Variants in FSD1L observed in about 807,000 individuals in gnomAD.
FSD1L encodes FSD1-like protein.
In FSD1L, 45 loss-of-function variants were observed where a neutral mutation model predicts 71.6. The ratio of observed to expected loss-of-function variants is 0.63; its 90% CI spans 0.49 to 0.81. The LOEUF is 0.81. FSD1L is among the 30% of genes least tolerant of loss of function. The pLI, the probability that FSD1L is intolerant of heterozygous loss-of-function variation, is 0.00. For missense variants in FSD1L, 561 were observed against 618.1 expected (o/e 0.91, Z 0.98); for synonymous variants, 197 against 207.2 (o/e 0.95, Z 0.42).
Position 105,506,465 on chromosome 9 carries a change from G to A in FSD1L, c.653G>A (p.Trp218Ter), listed in dbSNP as rs76381184. The A allele has an allele frequency of 6.4e-7, 1 of 1,550,962 alleles. No homozygotes were observed. The highest frequency in any genetic ancestry group is 2.0e-5 in the Admixed American group (1 of 50,950). Reference protein sequence around the residue: ...LVADNSVTVAWRMPEEDNKID... With the variant: ...LVADNSVTVA The stretch of plus-strand genomic sequence containing the variant: ...GCAGATAACTCTGTAACAGTGGCTT[G>A]GAGAATGCCAGAAGAAGATAATAAG... The change falls in exon 8 of 14, where the codon TGG becomes TAG. Residue 218 changes from tryptophan (W) to a stop codon, truncating the protein, a stop_gained. Coordinates refer to ENST00000481272, the MANE Select transcript of FSD1L (RefSeq NM_001145313.3). LOFTEE classifies it high-confidence loss of function.
At position 105,506,586 on chromosome 9, in the gene FSD1L, G is replaced by T; in HGVS notation, c.774G>T (p.Lys258Asn). Reference sequence around the variant, plus strand: ...GCTGGGAGATAATTGATAATATTAAGGGTACTGAATATACACTATCAGGTA... The same window carrying T: ...GCTGGGAGATAATTGATAATATTAATGGTACTGAATATACACTATCAGGTA... ...ERCWEIIDNI[K>N]GTEYTLSGLK... The change falls in exon 8 of 14, where the codon AAG (lysine) becomes AAT (asparagine). Residue 258 changes from lysine (K) to asparagine (N), a missense_variant. Lys to Asn is a moderately conservative substitution (Grantham distance 94, BLOSUM62 0). Coordinates refer to ENST00000481272, the MANE Select transcript of FSD1L (RefSeq NM_001145313.3). 3 of 1,549,240 alleles carry T rather than the reference G, an allele frequency of 1.9e-6. No homozygotes were observed. Among genetic ancestry groups the T allele is most frequent in the Non-Finnish European group, 2.6e-6 (3 of 1,145,022 alleles).
At chr9:105,519,678 C>T (rs902551678) in intron 10 of FSD1L, among the ~76,000 whole-genome samples, 1 of 152,210 alleles carries the variant, frequency 6.6e-6, no homozygotes, top group Non-Finnish European at 1.5e-5. Context: ...TTTATGCAAA[C>T]CCACAGCCAG....
At chr9:105,526,348 G>A in intron 10 of FSD1L, 1 of 1,612,160 alleles carries the variant, frequency 6.2e-7, no homozygotes, top group Non-Finnish European at 8.5e-7. Context: ...ACCATCTGAT[G>A]CCGATCATTA....
chr9:105,549,006 ATAC>A lies in FSD1L; in HGVS notation c.*2526_*2528del, dbSNP rs1837158415. The A allele has an allele frequency of 3.9e-5, 6 of 152,106 alleles. No homozygotes were observed. The South Asian group carries it at 1.2e-3, about 32-fold the overall frequency. The allele number at this position is 152,106 out of a possible 1,614,324, so 9.4% of individuals were successfully genotyped here. A position where few individuals can be genotyped will look rare whatever the true frequency, so the allele number is the denominator to read the frequency against. ...AAATAAGGTAACTATTAACTTGATT[ATAC>A]TATATAATATTCTCAATTACATTTG... On this transcript the variant is annotated 3_prime_UTR_variant, in exon 14 of 14. Transcript: ENST00000481272.
Position 105,551,552 on chromosome 9 carries a change from G to A in FSD1L, c.*5069G>A, listed in dbSNP as rs1837263195. The stretch of plus-strand genomic sequence containing the variant: ...TTTTTAGCTAATAATGGATTTAAGT[G>A]TTTGGATAATTGTAGATGCATTTAC... On this transcript the variant is annotated 3_prime_UTR_variant, in exon 14 of 14. Transcript: ENST00000481272. 6.6e-6 allele frequency: 1 copy of A among 152,162 alleles called. No individual in the cohort carries two copies. Among genetic ancestry groups the A allele is most frequent in the African/African-American group, 2.4e-5 (1 of 41,456 alleles). The allele number at this position is 152,162 out of a possible 1,614,324, so 9.4% of individuals were successfully genotyped here.
chr9:105,452,669 G>GCCTGCCTTCCTTCCTTCCTTCCTTCCTT (rs1191519308), intron 1 of FSD1L, among the ~76,000 whole-genome samples: 8 of 96,226 alleles, frequency 8.3e-5, no homozygotes, highest in African/African-American at 1.7e-4. Flanking sequence ...CTGCCTGCCT[G>GCCTGCCTTCCTTCCTTCCTTCCTTCCTT]CCTTCCTTCC....
At chr9:105,526,312 T>A in intron 10 of FSD1L, 1 of 1,610,294 alleles carries the variant, frequency 6.2e-7, no homozygotes, top group Non-Finnish European at 8.5e-7. Flanking sequence ...AGCACAGGTT[T>A]TTTCTCCAGC....
intron 13 of FSD1L, among the ~76,000 whole-genome samples, chr9:105,540,727 A>C (rs1836557630): frequency 6.6e-6 from 1 of 152,134 alleles, no homozygotes; most frequent in African/African-American, 2.4e-5. Context: ...TGCTATGCTG[A>C]ATATATGTAT....
In FSD1L at chr9:105,506,543, G is replaced by T. The variant is rs1027671562; in HGVS notation, c.731G>T (p.Arg244Leu). ...AAGACTAATTTTGATGGACTTCCAC[G>T]TGTAAAGGATGAGCGATGCTGGGAG... Reference protein sequence around the residue: ...HRKTNFDGLPRVKDERCWEII... With the variant: ...HRKTNFDGLPLVKDERCWEII... Residue 244 changes from arginine (R) to leucine (L), a missense_variant, in exon 8 of 14, where the codon CGT becomes CTT. Around this residue, in one of 3 missense-constraint regions of FSD1L, gnomAD observed 410 missense variants for 413.5 expected, o/e 0.99. Transcript: ENST00000481272. 10 of 1,551,258 alleles carry T rather than the reference G, an allele frequency of 6.4e-6. No individual in the cohort carries two copies. The highest frequency in any genetic ancestry group is 8.7e-6 in the Non-Finnish European group (10 of 1,146,652).
intron 10 of FSD1L, chr9:105,525,042 T>TCATAGTA (rs1445993235): frequency 6.3e-7 from 1 of 1,581,892 alleles, no homozygotes; most frequent in African/African-American, 1.4e-5. Context: ...AATGTCAGAA[T>TCATAGTA]CATAGTACGT....
intron 6 of FSD1L, among the ~76,000 whole-genome samples, chr9:105,481,081 C>T (rs1161465708): frequency 1.4e-5 from 2 of 146,046 alleles, no homozygotes; most frequent in African/African-American, 2.6e-5. Flanking sequence ...TCTAAGCCAG[C>T]CTCTTGGCTT....
chr9:105,527,586 A>G (rs1049626472), intron 10 of FSD1L, among the ~76,000 whole-genome samples: 3 of 152,130 alleles, frequency 2.0e-5, no homozygotes, highest in African/African-American at 4.8e-5. Context: ...ATGTGTAAAT[A>G]CATCATACTG....
At chr9:105,488,921 G>A (rs1832733448) in intron 7 of FSD1L, among the ~76,000 whole-genome samples, 1 of 151,278 alleles carries the variant, frequency 6.6e-6, no homozygotes, top group Non-Finnish European at 1.5e-5. Context: ...CACAAACCGT[G>A]AGGTGATGGC....
At chr9:105,544,346 A>G (rs1394137569) in intron 13 of FSD1L, among the ~76,000 whole-genome samples, 2 of 152,132 alleles carry the variant, frequency 1.3e-5, no homozygotes, top group Admixed American at 6.6e-5. Context: ...AGATGAGTAG[A>G]TTGCAAAATT....
intron 10 of FSD1L, chr9:105,523,521 T>A (rs898488029): frequency 1.4e-5 from 23 of 1,612,902 alleles, no homozygotes; most frequent in Middle Eastern, 1.9e-4. Flanking sequence ...AGTTTTTGAT[T>A]ACCTCTGTGA....
rs147412165 is a variant in FSD1L at position 105,474,344 on chromosome 9, G to A, written c.441+2339G>A. 5.6e-3 allele frequency among the ~76,000 whole-genome samples: 851 copies of A among 152,268 alleles called. 10 individuals are homozygous for A. The highest frequency in any genetic ancestry group is 0.02 in the African/African-American group (823 of 41,566). ...TATGCAGTCCATTATTGACTGAAAC[G>A]TAGTTATGTGGCACATTACTGTATC... On this transcript the variant is annotated intron_variant, in intron 5 of 13. Transcript: ENST00000481272.
chr9:105,503,727 A>C (rs537807316), intron 7 of FSD1L, among the ~76,000 whole-genome samples: 24 of 152,292 alleles, frequency 1.6e-4, no homozygotes, highest in African/African-American at 5.3e-4. Flanking sequence ...TCTTCCCCTG[A>C]ATTTGTATGC....
At chr9:105,459,418 G>GGC (rs1391817812) in intron 1 of FSD1L, among the ~76,000 whole-genome samples, 1 of 152,172 alleles carries the variant, frequency 6.6e-6, no homozygotes, top group African/African-American at 2.4e-5. Flanking sequence ...TTGAAGCCTT[G>GGC]GCCCTCTCCC....
intron 1 of FSD1L, among the ~76,000 whole-genome samples, chr9:105,460,497 C>G (rs1428302741): frequency 1.3e-5 from 2 of 149,250 alleles, no homozygotes; most frequent in Non-Finnish European, 3.0e-5. Context: ...GAGGCTGAGG[C>G]AGGAGAATTG....
Sources: allele counts gnomAD v4.1 joint callset (sites outside exome capture counted in the v4.1 genomes callset), GRCh38; gene constraint gnomAD v4.1.1; regional missense constraint gnomAD v4.1.1; transcripts MANE v1.5; gene names NCBI Gene and HGNC (gene_info 2026-07-23, HGNC 2026-07-21).